LAMA3: variants seen among roughly 807,000 people sequenced by gnomAD.
LAMA3 encodes the protein laminin subunit alpha 3.
In LAMA3, 281 loss-of-function variants were observed where a neutral mutation model predicts 402.0. That is an observed-to-expected ratio of 0.70 (90% confidence interval 0.63 to 0.77). The LOEUF is 0.77. Ranked by LOEUF, LAMA3 falls within the 30% of genes least tolerant of loss-of-function variation. The pLI is 0.00. For synonymous variants in LAMA3, 1,431 were observed against 1,558.4 expected (o/e 0.92, Z 1.93); for missense variants, 3,840 against 4,215.5 (o/e 0.91, Z 2.47).
chr18:23,886,479 A>AT (rs955143015), intron 41 of LAMA3, among the ~76,000 whole-genome samples: 16 of 149,020 alleles, frequency 1.1e-4, no homozygotes, highest in East Asian at 5.9e-4. Context: ...CATCTCCATA[A>AT]TTTTTTTTTT....
At position 23,891,830 on chromosome 18, in the gene LAMA3, C is replaced by T. The variant is rs192757165; in HGVS notation, c.5410+1713C>T. 3.9e-5 allele frequency among the ~76,000 whole-genome samples: 6 copies of T among 152,228 alleles called. No individual in the cohort carries two copies. The East Asian group carries it at 7.7e-4, about 20-fold the overall frequency. On this transcript the variant is annotated intron_variant, in intron 42 of 74. Transcript: ENST00000313654. ...TTCACTGAGTTCCATTGTCTAAAGC[C>T]GGGGTCCATGGCACACTGCTCATGT...
chr18:23,914,490 A>T lies in LAMA3; in HGVS notation c.7410A>T (p.Glu2470Asp). ...ACAACCTGGGGGACCGTGAGGCTGA[A>T]CTCCAAGTGGACCAGATCTTGACCA... ...CVYNLGDREAELQVDQILTKS... is the reference protein window; with the variant it reads ...CVYNLGDREADLQVDQILTKS... Residue 2470 changes from glutamate (E) to aspartate (D), a missense_variant, in exon 57 of 75, where the codon GAA becomes GAT. Physicochemically the swap from Glu to Asp is conservative, Grantham distance 45 (BLOSUM62 2). Coordinates refer to ENST00000313654, the MANE Select transcript of LAMA3 (RefSeq NM_198129.4). 1 of 1,614,068 alleles carries T rather than the reference A, an allele frequency of 6.2e-7. No individual in the cohort carries two copies.
At chr18:23,738,370 C>T (rs941947035) in intron 2 of LAMA3, among the ~76,000 whole-genome samples, 1 of 152,040 alleles carries the variant, frequency 6.6e-6, no homozygotes, top group African/African-American at 2.4e-5. Context: ...TCCCTCCCTC[C>T]TTCTGGAGAG....
At chr18:23,834,828 TAAAC>T (rs2063551546) in intron 24 of LAMA3, 1 of 152,160 alleles carries the variant, frequency 6.6e-6, no homozygotes, top group South Asian at 2.1e-4. Flanking sequence ...AATAAACAAA[TAAAC>T]AAAAACTTAT....
At chr18:23,937,749 G>A (rs1225834218) in intron 67 of LAMA3, among the ~76,000 whole-genome samples, 1 of 152,154 alleles carries the variant, frequency 6.6e-6, no homozygotes. Flanking sequence ...TAGGATCAAG[G>A]TTTGGCTGAT....
Position 23,939,308 on chromosome 18 carries a change from A to G in LAMA3, c.8948A>G (p.Asn2983Ser), listed in dbSNP as rs759410810. 4 of 1,614,108 alleles carry G rather than the reference A, an allele frequency of 2.5e-6. No homozygotes were observed. Among genetic ancestry groups the G allele is most frequent in the Admixed American group, 3.3e-5 (2 of 60,006 alleles). Residue 2983 changes from asparagine to serine, a missense_variant, in exon 68 of 75, where the codon AAT (asparagine) becomes AGT (serine). Physicochemically the swap from Asn to Ser is conservative, Grantham distance 46. Around this residue, in one of 3 missense-constraint regions of LAMA3, gnomAD observed 840 missense variants for 981.9 expected, o/e 0.86. Transcript: ENST00000313654. ...TCACCACTTCCCAAGACCCAGGCCA[A>G]TCATGGAGCCCTCCAGTTTGGGGAC... ...ACSPLPKTQA[N>S]HGALQFGDIP... is the part of the protein sequence containing the mutation.
chr18:23,728,978 C>T (rs1038999476), intron 2 of LAMA3, among the ~76,000 whole-genome samples: 4 of 139,078 alleles, frequency 2.9e-5, no homozygotes, highest in Middle Eastern at 7.6e-3. Context: ...TTGCAGTGAG[C>T]GGAGATCGTA....
At chr18:23,851,872 G>A (rs554441253) in intron 32 of LAMA3, among the ~76,000 whole-genome samples, 6 of 152,138 alleles carry the variant, frequency 3.9e-5, no homozygotes, top group South Asian at 2.1e-4. Context: ...TTGGATAATC[G>A]TTAACTCCTG....
chr18:23,809,935 TC>T (rs1477211547), intron 12 of LAMA3, among the ~76,000 whole-genome samples: 1 of 151,986 alleles, frequency 6.6e-6, no homozygotes, highest in African/African-American at 2.4e-5. Flanking sequence ...GTGAGTCACA[TC>T]CCCCATCAGT....
rs1248037820 is a variant in LAMA3, at chr18:23,690,051, TCGGGCC to T, written c.294+76_294+81del. 3 of 1,188,474 alleles carry T rather than the reference TCGGGCC, an allele frequency of 2.5e-6. No homozygotes were observed. In the African/African-American group the frequency reaches 4.9e-5, roughly 19 times the overall value. The allele number at this position is 1,188,474 out of a possible 1,614,324, so 73.6% of individuals were successfully genotyped here. ...GCCGGCCAGACACCCGGAGAAGGGA[TCGGGCC>T]CTTTCCTCACGCGCGCTAGTGGCTC... On this transcript the variant is annotated intron_variant, in intron 1 of 74. Coordinates refer to ENST00000313654, the MANE Select transcript of LAMA3 (RefSeq NM_198129.4).
chr18:23,711,256 C>T lies in LAMA3; in HGVS notation c.295-2664C>T, dbSNP rs573223494. Among the ~76,000 whole-genome samples, 8 of 152,312 alleles carry T rather than the reference C, an allele frequency of 5.3e-5. No individual in the cohort carries two copies. In the South Asian group the frequency reaches 1.7e-3, roughly 32 times the overall value. ...CACCTGTGATGCTGTCTTGCCTATA[C>T]ACTTATTTTTTAAATATGTGCTTTC... is the stretch of plus-strand genomic sequence containing the variant. On this transcript the variant is annotated intron_variant, in intron 1 of 74. Transcript: ENST00000313654.
chr18:23,911,757 T>A (rs924159042), intron 55 of LAMA3, among the ~76,000 whole-genome samples: 1 of 147,918 alleles, frequency 6.8e-6, no homozygotes, highest in Non-Finnish European at 1.5e-5. Context: ...ATTTAAAATA[T>A]TTTAATATAT....
chr18:23,764,996 G>T (rs940950683), intron 8 of LAMA3, among the ~76,000 whole-genome samples: 7 of 152,036 alleles, frequency 4.6e-5, no homozygotes, highest in Admixed American at 1.3e-4. Flanking sequence ...ATAAACAAAT[G>T]ACAAAACCAC....
At position 23,753,844 on chromosome 18, in the gene LAMA3, T is replaced by C. The variant is rs1290877177; in HGVS notation, c.947+32T>C. 1.2e-5 allele frequency: 17 copies of C among 1,413,686 alleles called. No homozygotes were observed. In the East Asian group the frequency reaches 3.2e-4, roughly 27 times the overall value. The allele number at this position is 1,413,686 out of a possible 1,614,324, so 87.6% of individuals were successfully genotyped here. A position where few individuals can be genotyped will look rare whatever the true frequency, so the allele number is the denominator to read the frequency against. On this transcript the variant is annotated intron_variant, in intron 6 of 74. Transcript: ENST00000313654. ...ACACTGTACAGATTTTTTTCAGCCTTACTATGATTAAGTCTAATTATTTCA... is the reference window on the plus strand; with the variant it reads ...ACACTGTACAGATTTTTTTCAGCCTCACTATGATTAAGTCTAATTATTTCA...
intron 18 of LAMA3, among the ~76,000 whole-genome samples, chr18:23,817,832 G>A (rs1229220548): frequency 6.6e-6 from 1 of 152,176 alleles, no homozygotes; most frequent in Non-Finnish European, 1.5e-5. Flanking sequence ...AGACCATTGA[G>A]CCTCCCCATG....
At chr18:23,754,618 T>C (rs561106437) in intron 6 of LAMA3, among the ~76,000 whole-genome samples, 2 of 152,344 alleles carry the variant, frequency 1.3e-5, no homozygotes, top group South Asian at 2.1e-4. Flanking sequence ...CTTTTGGCTA[T>C]TGTGAATAAG....
intron 54 of LAMA3, 136 bp from the exon 55 acceptor site, chr18:23,909,017 T>G: frequency 1.3e-6 from 1 of 797,746 alleles, no homozygotes; most frequent in East Asian, 2.6e-5. Flanking sequence ...GGAACTACCG[T>G]AACTAATTAT....
chr18:23,827,326 C>T lies in LAMA3; in HGVS notation c.2682C>T (p.Tyr894=). Residue 894 remains tyrosine (Y), a synonymous_variant, in exon 23 of 75, where the codon TAC becomes TAT. Coordinates refer to ENST00000313654, the MANE Select transcript of LAMA3 (RefSeq NM_198129.4). ...GCTGTTGTTGAAGTTGCTTACTCTA[C>T]CAGCATTTGCCAGTGACCAGATTCC... The part of the protein sequence containing the change: ...AGPPQENCLL[Y]QHLPVTRFPC... 1 of 1,614,130 alleles carries T rather than the reference C, an allele frequency of 6.2e-7. No homozygotes were observed. The highest frequency in any genetic ancestry group is 8.5e-7 in the Non-Finnish European group (1 of 1,180,016).
At chr18:23,747,877 T>A in intron 2 of LAMA3, 66 bp from the exon 3 acceptor site, 1 of 937,800 alleles carries the variant, frequency 1.1e-6, no homozygotes. Context: ...CAGCATCACA[T>A]AGAGATGGTA....
Sources: allele counts gnomAD v4.1 joint callset (sites outside exome capture counted in the v4.1 genomes callset), GRCh38; gene constraint gnomAD v4.1.1; regional missense constraint gnomAD v4.1.1; transcripts MANE v1.5; gene names NCBI Gene and HGNC (gene_info 2026-07-23, HGNC 2026-07-21).